The following GLG1 variants were observed in gnomAD, a reference collection of about 807,000 sequenced individuals.
The protein encoded by GLG1 is Golgi apparatus protein 1.
Under a neutral mutation model 160.5 loss-of-function variants are expected in GLG1, and 38 were observed. The ratio of observed to expected loss-of-function variants is 0.24; its 90% CI spans 0.18 to 0.31. The LOEUF is 0.31. Ranked by LOEUF, GLG1 falls within the 10% of genes least tolerant of loss-of-function variation. The pLI is 1.00. For synonymous variants in GLG1, 644 were observed against 543.4 expected (o/e 1.19, Z -2.57); for missense variants, 1,373 against 1,505.2 (o/e 0.91, Z 1.45).
At chr16:74,502,773 T>C (rs1048148708) in intron 4 of GLG1, among the ~76,000 whole-genome samples, 3 of 145,306 alleles carry the variant, frequency 2.1e-5, no homozygotes, top group African/African-American at 7.6e-5. Flanking sequence ...GGTTTCACCG[T>C]GTTAGCCAGG....
chr16:74,462,623 G>C lies in GLG1; in HGVS notation c.2799C>G (p.Arg933=). Residue 933 remains arginine, a synonymous_variant, in exon 21 of 26, where the codon CGC becomes CGG. Coordinates refer to ENST00000422840, the MANE Select transcript of GLG1 (RefSeq NM_001145667.2). ...AGGCTTTTCTTAACATGGGGTTTAA[G>C]CGGTAATCTAGAGTAGAAAGCAGTG... ...KRQITQNTDY[R]LNPMLRKACK... is the part of the protein sequence containing the mutation. 2 of 1,614,052 alleles carry C rather than the reference G, an allele frequency of 1.2e-6. No individual in the cohort carries two copies. Among genetic ancestry groups the C allele is most frequent in the East Asian group, 2.2e-5 (1 of 44,886 alleles).
At chr16:74,481,969 T>C (rs145287262) in intron 10 of GLG1, among the ~76,000 whole-genome samples, 133 of 152,234 alleles carry the variant, frequency 8.7e-4, no homozygotes, top group African/African-American at 3.1e-3. Flanking sequence ...TTTGTATTTT[T>C]AGTAGAGATG....
At chr16:74,504,568 G>A (rs1032179810) in intron 3 of GLG1, among the ~76,000 whole-genome samples, 10 of 152,150 alleles carry the variant, frequency 6.6e-5, no homozygotes, top group South Asian at 2.1e-4. Context: ...GATTATAAGC[G>A]TGAGCCACCT....
At chr16:74,460,558 A>T (rs369004553) in intron 22 of GLG1, among the ~76,000 whole-genome samples, 138 of 152,356 alleles carry the variant, frequency 9.1e-4, no homozygotes, top group African/African-American at 3.1e-3. Context: ...CTGTTTTACA[A>T]GCCAGGGGCA....
chr16:74,534,199 G>C (rs972451169), intron 1 of GLG1, among the ~76,000 whole-genome samples: 6 of 151,678 alleles, frequency 4.0e-5, no homozygotes, highest in Non-Finnish European at 7.4e-5. Context: ...GCCTTTTTAA[G>C]GTGCCTTTCT....
intron 2 of GLG1, among the ~76,000 whole-genome samples, chr16:74,531,575 C>A (rs1449292235): frequency 3.3e-5 from 5 of 151,948 alleles, no homozygotes; most frequent in Admixed American, 3.3e-4. Flanking sequence ...GATCTACCTG[C>A]CTCAGCCTCC....
In GLG1 at chr16:74,533,871, C is replaced by A. The variant is rs982301423; in HGVS notation, c.439-1718G>T. On this transcript the variant is annotated intron_variant, in intron 1 of 25. Coordinates refer to ENST00000422840, the MANE Select transcript of GLG1 (RefSeq NM_001145667.2). Reference sequence around the variant, plus strand: ...TGTGTGCCTATAACTTAAATATTATCAATTTAGGTAGCAAAACATGCTAGT... The same window carrying A: ...TGTGTGCCTATAACTTAAATATTATAAATTTAGGTAGCAAAACATGCTAGT... 3.9e-5 allele frequency among the ~76,000 whole-genome samples: 6 copies of A among 152,188 alleles called. No individual in the cohort carries two copies. In the East Asian group the frequency reaches 1.2e-3, roughly 29 times the overall value.
chr16:74,476,286 T>A (rs930383693), intron 12 of GLG1, among the ~76,000 whole-genome samples: 4 of 152,246 alleles, frequency 2.6e-5, no homozygotes, highest in African/African-American at 9.6e-5. Flanking sequence ...AGGAAACTAT[T>A]TTCTGGGATT....
At chr16:74,524,577 T>C (rs1313200258) in intron 2 of GLG1, among the ~76,000 whole-genome samples, 1 of 152,094 alleles carries the variant, frequency 6.6e-6, no homozygotes, top group East Asian at 1.9e-4. Flanking sequence ...GAGTATTTAC[T>C]GAAATATTAA....
At chr16:74,488,047 G>A (rs906913099) in intron 8 of GLG1, among the ~76,000 whole-genome samples, 14 of 152,122 alleles carry the variant, frequency 9.2e-5, no homozygotes, top group African/African-American at 2.9e-4. Context: ...AGCCATGAAC[G>A]AAGAGAATTT....
At chr16:74,588,457 G>T (rs1179403101) in intron 1 of GLG1, among the ~76,000 whole-genome samples, 1 of 151,824 alleles carries the variant, frequency 6.6e-6, no homozygotes, top group Non-Finnish European at 1.5e-5. Context: ...TTGAGACAGG[G>T]TCTCACTCTG....
chr16:74,490,659 T>A (rs752354123), intron 8 of GLG1, among the ~76,000 whole-genome samples: 7 of 152,232 alleles, frequency 4.6e-5, no homozygotes, highest in Non-Finnish European at 8.8e-5. Flanking sequence ...GTAGAGGGCC[T>A]GTCGTCATTG....
intron 2 of GLG1, among the ~76,000 whole-genome samples, chr16:74,518,235 T>C (rs1567498435): frequency 6.6e-6 from 1 of 152,240 alleles, no homozygotes; most frequent in Middle Eastern, 3.4e-3. Flanking sequence ...AGAGCTAGCA[T>C]AGCCAAGAAA....
At chr16:74,479,682 AG>A (rs1263968730) in intron 11 of GLG1, among the ~76,000 whole-genome samples, 1 of 152,190 alleles carries the variant, frequency 6.6e-6, no homozygotes, top group Non-Finnish European at 1.5e-5. Context: ...CAGAAGGTAG[AG>A]AAAGCCATCG....
intron 1 of GLG1, among the ~76,000 whole-genome samples, chr16:74,575,084 TAAA>T (rs1179766552): frequency 7.7e-6 from 1 of 129,698 alleles, no homozygotes; most frequent in Non-Finnish European, 1.6e-5. Context: ...TCACCTCTAT[TAAA>T]AATACAAAAA....
intron 2 of GLG1, among the ~76,000 whole-genome samples, chr16:74,509,291 AT>A (rs951596524): frequency 4.5e-4 from 68 of 150,874 alleles, no homozygotes; most frequent in Non-Finnish European, 9.0e-4. Context: ...TTAAATGACA[AT>A]TTTTTTAGAG....
At position 74,458,231 on chromosome 16, in the gene GLG1, T is replaced by C. The variant is rs16946387; in HGVS notation, c.3145-237A>G. 2,809 of 412,814 alleles carry C rather than the reference T, an allele frequency of 6.8e-3. 52 individuals carry two copies. Among genetic ancestry groups the C allele is most frequent in the African/African-American group, 0.051 (2,585 of 50,812 alleles). 25.6% of individuals were successfully genotyped at this position (412,814 alleles called of 1,614,324 possible). On this transcript the variant is annotated intron_variant, in intron 23 of 25. Coordinates refer to ENST00000422840, the MANE Select transcript of GLG1 (RefSeq NM_001145667.2). ...TTGGAAAAAAGCAGGGGACTGTAAGTGACTGTAAGATCAGATTTGTGTTTT... is the reference window on the plus strand; with the variant it reads ...TTGGAAAAAAGCAGGGGACTGTAAGCGACTGTAAGATCAGATTTGTGTTTT...
intron 1 of GLG1, among the ~76,000 whole-genome samples, chr16:74,564,312 T>C (rs2018591238): frequency 6.6e-6 from 1 of 152,222 alleles, no homozygotes; most frequent in African/African-American, 2.4e-5. Context: ...TTGGTTGAAA[T>C]GAGTAGATTG....
intron 1 of GLG1, among the ~76,000 whole-genome samples, chr16:74,551,696 G>T (rs1186118331): frequency 5.9e-5 from 9 of 151,574 alleles, no homozygotes; most frequent in African/African-American, 2.2e-4. Flanking sequence ...TCAGTGTATG[G>T]GGGGAGGGGG....
Sources: gnomAD v4.1 joint callset for allele counts (sites outside exome capture counted in the v4.1 genomes callset) on GRCh38, gnomAD v4.1.1 for gene constraint, MANE v1.5 for transcripts, NCBI Gene and HGNC (gene_info 2026-07-23, HGNC 2026-07-21) for gene names.